Variants in ADAM22 observed in about 807,000 individuals in gnomAD.
ADAM22 encodes disintegrin and metalloproteinase domain-containing protein 22.
A neutral mutation model predicts 144.6 loss-of-function variants in ADAM22; 65 were observed. The observed-to-expected ratio is 0.45, with a 90% CI of 0.37 to 0.55. The LOEUF (loss-of-function observed/expected upper bound fraction) is 0.55, where lower values mean the gene tolerates loss of function less well. ADAM22 is among the 20% of genes least tolerant of loss of function. The pLI, the probability that ADAM22 is intolerant of heterozygous loss-of-function variation, is 0.00. For synonymous variants in ADAM22, 391 were observed against 412.6 expected, an observed-to-expected ratio of 0.95 and a Z score of 0.63; for missense variants, 974 against 1,184.9, an observed-to-expected ratio of 0.82 and a Z score of 2.61.
At chr7:88,032,918 A>C (rs1800644023) in intron 3 of ADAM22, among the ~76,000 whole-genome samples, 1 of 152,112 alleles carries the variant, frequency 6.6e-6, no homozygotes, top group Non-Finnish European at 1.5e-5. Flanking sequence ...CATGGTTGTG[A>C]ATTTTCTGAG....
At chr7:88,171,631 A>C in intron 26 of ADAM22, 70 bp downstream of exon 26, 2 of 1,317,188 alleles carry the variant, frequency 1.5e-6, no homozygotes, top group Non-Finnish European at 2.1e-6. Context: ...TGGAATTCAT[A>C]CATGCAATTA....
intron 3 of ADAM22, among the ~76,000 whole-genome samples, chr7:88,044,764 C>T (rs562925839): frequency 1.3e-5 from 2 of 151,110 alleles, no homozygotes; most frequent in Admixed American, 1.3e-4. Context: ...TTGGTCTTGT[C>T]AGTTAGGCTG....
At chr7:88,073,108 A>C (rs556249514) in intron 3 of ADAM22, among the ~76,000 whole-genome samples, 2 of 152,310 alleles carry the variant, frequency 1.3e-5, no homozygotes, top group South Asian at 4.1e-4. Flanking sequence ...ATGATGGTCA[A>C]GGAAGGCCTG....
chr7:87,964,277 G>A (rs552976260), intron 2 of ADAM22, among the ~76,000 whole-genome samples: 1 of 152,352 alleles, frequency 6.6e-6, no homozygotes, highest in Non-Finnish European at 1.5e-5. Context: ...CACAAGCACT[G>A]TTGGATGTAT....
chr7:88,039,140 T>G (rs996318041), intron 3 of ADAM22, among the ~76,000 whole-genome samples: 3 of 151,892 alleles, frequency 2.0e-5, no homozygotes, highest in African/African-American at 7.3e-5. Flanking sequence ...AGAAGGAGTT[T>G]TACATTAGAA....
intron 3 of ADAM22, among the ~76,000 whole-genome samples, chr7:88,045,430 GA>G (rs1043133988): frequency 6.6e-6 from 1 of 151,488 alleles, no homozygotes; most frequent in Non-Finnish European, 1.5e-5. Context: ...AGATATGATT[GA>G]AAAAAATTGT....
chr7:88,155,745 G>A, intron 21 of ADAM22, 142 bp from the exon 22 acceptor site: 1 of 921,412 alleles, frequency 1.1e-6, no homozygotes, highest in Non-Finnish European at 1.6e-6. Flanking sequence ...ACACTAATTT[G>A]GACTTATTTT....
chr7:88,100,095 A>G (rs1822509858), intron 4 of ADAM22, among the ~76,000 whole-genome samples: 1 of 152,170 alleles, frequency 6.6e-6, no homozygotes, highest in Admixed American at 6.5e-5. Context: ...AATATAAGAT[A>G]TTAACAATGG....
Position 88,155,998 on chromosome 7 carries a change from A to G in ADAM22, c.1899A>G (p.Leu633=). Residue 633 remains leucine, a synonymous_variant, in exon 22 of 32, where the codon TTA becomes TTG. Coordinates refer to ENST00000413139, the MANE Select transcript of ADAM22 (RefSeq NM_001324418.2). ...TAGTTGTGCAGCAAGGAAGAACATT[A>G]AACTGCAGGTAATTATCTAACCATT... ...STLVVQQGRT[L]NCSGGHVKLE... is the part of the protein sequence containing the mutation. The G allele has an allele frequency of 1.9e-6, 3 of 1,613,100 alleles. No homozygotes were observed. The South Asian group carries it at 3.3e-5, about 18-fold the overall frequency.
intron 22 of ADAM22, among the ~76,000 whole-genome samples, chr7:88,160,663 C>T (rs1215334717): frequency 6.6e-6 from 1 of 152,020 alleles, no homozygotes; most frequent in Non-Finnish European, 1.5e-5. Flanking sequence ...GACACATGCC[C>T]ACGTATGTTT....
intron 2 of ADAM22, among the ~76,000 whole-genome samples, chr7:87,966,614 C>G (rs1192614304): frequency 6.6e-6 from 1 of 150,820 alleles, no homozygotes; most frequent in Non-Finnish European, 1.5e-5. Context: ...ACCTTGGCAG[C>G]CAGGGAATCA....
intron 4 of ADAM22, among the ~76,000 whole-genome samples, chr7:88,090,313 C>A (rs1231841314): frequency 6.6e-6 from 1 of 152,114 alleles, no homozygotes; most frequent in Non-Finnish European, 1.5e-5. Context: ...CATGCAGGTA[C>A]CTCACATAGG....
At chr7:87,944,318 A>G (rs1562810114) in intron 2 of ADAM22, among the ~76,000 whole-genome samples, 1 of 151,724 alleles carries the variant, frequency 6.6e-6, no homozygotes, top group Non-Finnish European at 1.5e-5. Context: ...GTCATTGCTC[A>G]AGCTTTTTTC....
chr7:87,960,999 A>G (rs530358556), intron 2 of ADAM22, among the ~76,000 whole-genome samples: 1 of 152,230 alleles, frequency 6.6e-6, no homozygotes, highest in Non-Finnish European at 1.5e-5. Flanking sequence ...AAATATAGTA[A>G]ATGATGCAGT....
intron 3 of ADAM22, among the ~76,000 whole-genome samples, chr7:88,061,159 T>C (rs546809449): frequency 6.6e-6 from 1 of 152,178 alleles, no homozygotes; most frequent in Admixed American, 6.5e-5. Flanking sequence ...TAGCATTCAG[T>C]CACATCTTCA....
chr7:88,195,550 C>G (rs537354133), intron 31 of ADAM22, among the ~76,000 whole-genome samples: 22 of 152,202 alleles, frequency 1.4e-4, no homozygotes, highest in African/African-American at 4.8e-4. Flanking sequence ...GAGTCTCGCT[C>G]AGTCGCCCAG....
intron 3 of ADAM22, among the ~76,000 whole-genome samples, chr7:87,984,837 C>G (rs564749715): frequency 6.6e-6 from 1 of 152,128 alleles, no homozygotes; most frequent in South Asian, 2.1e-4. Flanking sequence ...TGCACCACCA[C>G]GCCCAGCTAA....
chr7:87,988,993 G>A (rs1161054538), intron 3 of ADAM22, among the ~76,000 whole-genome samples: 1 of 152,180 alleles, frequency 6.6e-6, no homozygotes, highest in Non-Finnish European at 1.5e-5. Context: ...CTCTGTTAAT[G>A]TCCCCAGGCA....
intron 3 of ADAM22, among the ~76,000 whole-genome samples, chr7:88,006,465 C>A (rs1157706691): frequency 1.3e-5 from 2 of 152,102 alleles, no homozygotes; most frequent in Non-Finnish European, 2.9e-5. Context: ...GAATTGTAGA[C>A]CAATATCCTT....
Sources: gnomAD v4.1 joint callset for allele counts (sites outside exome capture counted in the v4.1 genomes callset) on GRCh38, gnomAD v4.1.1 for gene constraint, MANE v1.5 for transcripts, NCBI Gene and HGNC (gene_info 2026-07-23, HGNC 2026-07-21) for gene names.